The following SALL2 variants were observed in gnomAD, a reference collection of about 807,000 sequenced individuals.
The protein encoded by SALL2 is sal-like protein 2.
SALL2 carries 32 observed loss-of-function variants against 58.5 expected under a neutral mutation model. That is an observed-to-expected ratio of 0.55 (90% confidence interval 0.41 to 0.74). The LOEUF (loss-of-function observed/expected upper bound fraction) is 0.74. Among genes scored for constraint, SALL2 ranks in the 30% least tolerant of loss-of-function variants. The pLI is 0.00. For missense variants in SALL2, 1,201 were observed against 1,268.9 expected, an observed-to-expected ratio of 0.95 and a Z score of 0.81; for synonymous variants, 516 against 513.6, an observed-to-expected ratio of 1.00 and a Z score of -0.06.
At position 21,522,735 on chromosome 14, in the gene SALL2, A is replaced by G; in HGVS notation, c.2987T>C (p.Phe996Ser). 7 of 1,530,514 alleles carry G rather than the reference A, an allele frequency of 4.6e-6. No homozygotes were observed. Among genetic ancestry groups the G allele is most frequent in the Non-Finnish European group, 6.1e-6 (7 of 1,141,420 alleles). 94.8% of individuals were successfully genotyped at this position (1,530,514 alleles called of 1,614,324 possible). A position where few individuals can be genotyped will look rare whatever the true frequency, so the allele number is the denominator to read the frequency against. The change falls in exon 2 of 2, where the codon TTT becomes TCT. Residue 996 changes from phenylalanine to serine, a missense_variant. Physicochemically the swap from Phe to Ser is radical, Grantham distance 155 (BLOSUM62 -2). This residue lies in a region of SALL2 where 675 missense variants were observed against 683.8 expected (regional missense o/e 0.99). Transcript: ENST00000537235. ...PSITSTGLSP[F>S]PRKDDPTIP ...GATCGTGGGGTCATCTTTTCGGGGA[A>G]AGGGGGAGAGCCCTGTGGAGGTGAT...
upstream of SALL2, chr14:21,526,389 T>C: frequency 1.1e-6 from 1 of 909,350 alleles, no homozygotes; most frequent in Non-Finnish European, 1.3e-6. Flanking sequence ...GAGGAGCTGC[T>C]GGGGAGGGAG....
intron 1 of SALL2, among the ~76,000 whole-genome samples, chr14:21,531,732 A>G (rs1271571450): frequency 1.0e-4 from 10 of 97,182 alleles, no homozygotes; most frequent in African/African-American, 1.6e-4. Context: ...TTTGAGACGG[A>G]GTCTCGCTCT....
Position 21,522,208 on chromosome 14 carries a change from T to G in SALL2, c.*496A>C, listed in dbSNP as rs200715579. 5,323 of 1,597,170 alleles carry G rather than the reference T, an allele frequency of 3.3e-3. 14 individuals carry two copies. The highest frequency in any genetic ancestry group is 4.1e-3 in the Non-Finnish European group (4,847 of 1,179,378). ...GTGGAGCTGGAATTCCAGGGCTTCATGGGCAGGCCATTTGACAGGAATGCC... is the reference window on the plus strand; with the variant it reads ...GTGGAGCTGGAATTCCAGGGCTTCAGGGGCAGGCCATTTGACAGGAATGCC... On this transcript the variant is annotated 3_prime_UTR_variant, in exon 2 of 2. Transcript: ENST00000537235.
Position 21,523,568 on chromosome 14 carries a change from G to A in SALL2, c.2154C>T (p.Asn718=), listed in dbSNP as rs766661633. The part of the protein sequence containing the change: ...VRMHLGGQIP[N]GGTALPEGGG... ...CACCTTCAGGGAGTGCAGTACCACC[G>A]TTGGGGATCTGGCCCCCCAGGTGCA... Residue 718 remains asparagine, a synonymous_variant, in exon 2 of 2, where the codon AAC becomes AAT. Transcript: ENST00000537235. The surrounding 1 kb of genome is among the most constrained non-coding windows in gnomAD (Gnocchi z 4.4). 2.5e-5 allele frequency: 40 copies of A among 1,614,086 alleles called. No individual in the cohort carries two copies. The highest frequency in any genetic ancestry group is 1.8e-4 in the East Asian group (8 of 44,894).
intron 1 of SALL2, among the ~76,000 whole-genome samples, chr14:21,532,473 A>G (rs1892489805): frequency 7.9e-6 from 1 of 125,870 alleles, no homozygotes; most frequent in South Asian, 2.5e-4. Context: ...TATTACACAT[A>G]TTTTACAATA....
In SALL2 at chr14:21,525,244, G is replaced by A; in HGVS notation, c.478C>T (p.Pro160Ser). ...LPPESTPAPPPPPPPPPPPGV... is the reference protein window; with the variant it reads ...LPPESTPAPPSPPPPPPPPGV... ...GGGGGCGGAGGGGGTGGTGGAGGAG[G>A]AGGGGGTGCAGGGGTCGATTCTGGA... is the stretch of plus-strand genomic sequence containing the variant. Residue 160 changes from proline to serine, a missense_variant, in exon 2 of 2, where the codon CCT becomes TCT. Transcript: ENST00000537235. The surrounding 1 kb of genome is among the most constrained non-coding windows in gnomAD (Gnocchi z 4.4). The A allele has an allele frequency of 1.2e-6, 2 of 1,612,542 alleles. No individual in the cohort carries two copies. The highest frequency in any genetic ancestry group is 1.7e-6 in the Non-Finnish European group (2 of 1,179,120).
In SALL2 at chr14:21,521,109, G is replaced by A. The variant is rs1892009615; in HGVS notation, c.*1595C>T. 6.6e-6 allele frequency: 1 copy of A among 152,164 alleles called. No homozygotes were observed. Among genetic ancestry groups the A allele is most frequent in the Non-Finnish European group, 1.5e-5 (1 of 68,034 alleles). 9.4% of individuals were successfully genotyped at this position (152,164 alleles called of 1,614,324 possible). ...GTTAAAACACCTTTAATGATAGAGG[G>A]AAAGACACTAATATCTCCCGTCTGT... On this transcript the variant is annotated 3_prime_UTR_variant, in exon 2 of 2. Transcript: ENST00000537235.
chr14:21,534,891 C>T (rs1179308697), intron 1 of SALL2, among the ~76,000 whole-genome samples: 2 of 152,112 alleles, frequency 1.3e-5, no homozygotes, highest in African/African-American at 4.8e-5. Context: ...GGGGAGGATG[C>T]GTTCTGCCCA....
In SALL2 at chr14:21,525,463, G is replaced by T. The variant is rs1892258968; in HGVS notation, c.259C>A (p.Pro87Thr). The T allele has an allele frequency of 6.2e-7, 1 of 1,613,904 alleles. No homozygotes were observed. Residue 87 changes from proline to threonine, a missense_variant, in exon 2 of 2, where the codon CCT (proline) becomes ACT (threonine). Around this residue, in one of 3 missense-constraint regions of SALL2, gnomAD observed 467 missense variants for 468.9 expected, o/e 1.00. Coordinates refer to ENST00000537235, the MANE Select transcript of SALL2 (RefSeq NM_001364564.1). The surrounding 1 kb of genome is among the most constrained non-coding windows in gnomAD (Gnocchi z 4.4). The part of the protein sequence containing the change: ...SEPRPEGHNN[P>T]QVMDTEHSNP... ...CTATGCTCTGTGTCCATGACCTGAG[G>T]ATTATTGTGACCCTCAGGCCGGGGT...
rs1892165457 is a variant in SALL2, at chr14:21,523,985, G to A, written c.1737C>T (p.Pro579=). The change falls in exon 2 of 2, where the codon CCC becomes CCT. Residue 579 remains proline, a synonymous_variant. Transcript: ENST00000537235. This position sits in a 1 kb window ranked among gnomAD's most constrained non-coding sequence, Gnocchi z 4.4. Reference sequence around the variant, plus strand: ...ATGTCTCAGAGGGTGAGGCCCCCAAGGGCTCTAGCACATAGGGGAAGGGGA... The same window carrying A: ...ATGTCTCAGAGGGTGAGGCCCCCAAAGGCTCTAGCACATAGGGGAAGGGGA... ...GSFPFPYVLE[P]LGASPSETSK... The A allele has an allele frequency of 6.2e-7, 1 of 1,614,112 alleles. No homozygotes were observed. The highest frequency in any genetic ancestry group is 8.5e-7 in the Non-Finnish European group (1 of 1,180,056).
upstream of SALL2, among the ~76,000 whole-genome samples, chr14:21,529,976 A>G (rs1182719575): frequency 1.2e-4 from 18 of 152,152 alleles, no homozygotes; most frequent in Admixed American, 1.2e-3. Context: ...TTTCCATCAT[A>G]CCTTCCACCC....
At chr14:21,534,979 A>G (rs1483229308) in intron 1 of SALL2, among the ~76,000 whole-genome samples, 2 of 152,174 alleles carry the variant, frequency 1.3e-5, no homozygotes, top group Admixed American at 1.3e-4. Flanking sequence ...AACAGGTGGA[A>G]AGGCAAGTTT....
In SALL2 at chr14:21,524,068, C is replaced by T. The variant is rs968163710; in HGVS notation, c.1654G>A (p.Val552Met). The change falls in exon 2 of 2, where the codon GTG becomes ATG. Residue 552 changes from valine (V) to methionine (M), a missense_variant. Transcript: ENST00000537235. ...AGTGCCCAGCTTGGTAGTGAAGTCACCAACTTACTTAGTTGCATGCGAGTT... is the reference window on the plus strand; with the variant it reads ...AGTGCCCAGCTTGGTAGTGAAGTCATCAACTTACTTAGTTGCATGCGAGTT... The part of the protein sequence containing the change: ...TATRMQLSKL[V>M]TSLPSWALLT... 2 of 1,614,200 alleles carry T rather than the reference C, an allele frequency of 1.2e-6. No homozygotes were observed. The highest frequency in any genetic ancestry group is 1.7e-5 in the Admixed American group (1 of 60,028).
At position 21,525,923 on chromosome 14, in the gene SALL2, C is replaced by A; in HGVS notation, c.67+138G>T. On this transcript the variant is annotated intron_variant, in intron 1 of 1. Transcript: ENST00000537235. This position sits in a 1 kb window ranked among gnomAD's most constrained non-coding sequence, Gnocchi z 4.4. ...CACCCTCCCTTCCCCAGGCCACAAG[C>A]GAGTTCACGGAATAGGTGTGGGGAC... 1 of 905,894 alleles carries A rather than the reference C, an allele frequency of 1.1e-6. No homozygotes were observed. The highest frequency in any genetic ancestry group is 1.7e-6 in the Non-Finnish European group (1 of 586,976). 56.1% of individuals were successfully genotyped at this position (905,894 alleles called of 1,614,324 possible).
chr14:21,526,083 G>T lies in SALL2; in HGVS notation c.45C>A (p.Cys15Ter). The part of the protein sequence containing the change: ...SERSSRLGVP[C>*]GEPAELGGDA... ...CACCTCCGAGCTCTGCCGGCTCCCC[G>T]CAGGGCACCCCGAGACGAGAGCTCC... Residue 15 changes from cysteine to a stop codon, truncating the protein, a stop_gained, in exon 1 of 2, where the codon TGC becomes TGA. Coordinates refer to ENST00000537235, the MANE Select transcript of SALL2 (RefSeq NM_001364564.1). LOFTEE classifies it high-confidence loss of function. 1 of 1,517,866 alleles carries T rather than the reference G, an allele frequency of 6.6e-7. No homozygotes were observed. The highest frequency in any genetic ancestry group is 8.8e-7 in the Non-Finnish European group (1 of 1,136,466). The allele number at this position is 1,517,866 out of a possible 1,614,324, so 94.0% of individuals were successfully genotyped here.
intron 1 of SALL2, 60 bp downstream of exon 1, chr14:21,526,001 C>CGGGGGGGGGGGGGGCGGGGG: frequency 7.2e-7 from 1 of 1,389,790 alleles, no homozygotes; most frequent in Non-Finnish European, 9.9e-7. Context: ...AAAGTCTTCG[C>CGGGGGGGGGGGGGGCGGGGG]CGCCCCTGCG....
upstream of SALL2, among the ~76,000 whole-genome samples, chr14:21,526,719 G>A (rs1397637988): frequency 2.6e-5 from 4 of 152,080 alleles, no homozygotes; most frequent in East Asian, 5.8e-4. Flanking sequence ...ATTCCAGAGA[G>A]GGTCGTCTGA....
upstream of SALL2, among the ~76,000 whole-genome samples, chr14:21,529,255 C>G (rs2242530): frequency 0.31 from 47,783 of 152,012 alleles, 8,359 homozygotes; most frequent in Middle Eastern, 0.46. Context: ...TAAGCTATCT[C>G]CGGTCAAATG....
chr14:21,525,531 A>G lies in SALL2; in HGVS notation c.191T>C (p.Ile64Thr), dbSNP rs1316061685. ...GTTGTTGGGGTTCTCCTGGCCCCCA[A>G]TTATCACCATTACAGGAGGGTCAGT... ...CSTDPPVMVI[I>T]GGQENPNNSS... Residue 64 changes from isoleucine to threonine, a missense_variant, in exon 2 of 2, where the codon ATT (isoleucine) becomes ACT (threonine). Ile to Thr is a moderately conservative substitution (Grantham distance 89, BLOSUM62 -1). Transcript: ENST00000537235. This position sits in a 1 kb window ranked among gnomAD's most constrained non-coding sequence, Gnocchi z 4.4. 7 of 1,613,898 alleles carry G rather than the reference A, an allele frequency of 4.3e-6. No individual in the cohort carries two copies. Among genetic ancestry groups the G allele is most frequent in the Admixed American group, 1.7e-5 (1 of 59,980 alleles).
Sources: gnomAD v4.1 joint callset for allele counts (sites outside exome capture counted in the v4.1 genomes callset) on GRCh38, gnomAD v4.1.1 for gene constraint, gnomAD v4.1.1 regional missense constraint, Gnocchi (gnomAD v3.1) non-coding constraint, MANE v1.5 for transcripts, NCBI Gene and HGNC (gene_info 2026-07-23, HGNC 2026-07-21) for gene names.